The following ADAMTS17 variants were observed in gnomAD, a reference collection of about 807,000 sequenced individuals.
The protein encoded by ADAMTS17 is A disintegrin and metalloproteinase with thrombospondin motifs 17.
In ADAMTS17, 113 loss-of-function variants were observed where a neutral mutation model predicts 141.5. The ratio of observed to expected loss-of-function variants is 0.80; its 90% CI spans 0.69 to 0.93. ADAMTS17 has a LOEUF of 0.93. Ranked by LOEUF, ADAMTS17 falls within the 40% of genes least tolerant of loss-of-function variation. The pLI is 0.00. For missense variants in ADAMTS17, 1,659 were observed against 1,517.9 expected (o/e 1.09, Z -1.54); for synonymous variants, 768 against 630.6 (o/e 1.22, Z -3.27).
At chr15:100,279,392 G>A (rs760310271) in intron 4 of ADAMTS17, among the ~76,000 whole-genome samples, 3 of 152,210 alleles carry the variant, frequency 2.0e-5, no homozygotes, top group Non-Finnish European at 4.4e-5. Flanking sequence ...GACCTTGGCT[G>A]CAGCTGGCCC....
chr15:100,106,348 G>A (rs895338639), intron 14 of ADAMTS17, among the ~76,000 whole-genome samples: 1 of 152,232 alleles, frequency 6.6e-6, no homozygotes, highest in African/African-American at 2.4e-5. Flanking sequence ...AGCCTGAGTT[G>A]ACTAAGACGA....
intron 18 of ADAMTS17, among the ~76,000 whole-genome samples, chr15:100,025,230 C>T (rs2061484408): frequency 6.6e-6 from 1 of 152,066 alleles, no homozygotes; most frequent in South Asian, 2.1e-4. Flanking sequence ...TGCTTTTTGG[C>T]TTGAAGTCTA....
At chr15:100,161,001 C>A (rs906667844) in intron 8 of ADAMTS17, among the ~76,000 whole-genome samples, 1 of 152,178 alleles carries the variant, frequency 6.6e-6, no homozygotes, top group African/African-American at 2.4e-5. Context: ...TTATATTTAA[C>A]GAAAACGTGT....
intron 7 of ADAMTS17, among the ~76,000 whole-genome samples, chr15:100,233,767 G>A (rs1297359990): frequency 2.6e-5 from 4 of 152,054 alleles, no homozygotes; most frequent in African/African-American, 9.7e-5. Flanking sequence ...AGATGTCAGG[G>A]GGAGAGTGTG....
intron 18 of ADAMTS17, among the ~76,000 whole-genome samples, chr15:100,028,195 G>A (rs1164488165): frequency 2.6e-5 from 4 of 152,174 alleles, no homozygotes; most frequent in African/African-American, 4.8e-5. Flanking sequence ...TCAGACAGGC[G>A]CAGAATGTTC....
At chr15:99,981,577 C>T (rs2060482667) in intron 20 of ADAMTS17, among the ~76,000 whole-genome samples, 1 of 152,174 alleles carries the variant, frequency 6.6e-6, no homozygotes, top group African/African-American at 2.4e-5. Flanking sequence ...CTGGGCCAGC[C>T]CCCTAGAGGA....
At chr15:100,008,456 C>T (rs1250872172) in intron 18 of ADAMTS17, among the ~76,000 whole-genome samples, 2 of 152,146 alleles carry the variant, frequency 1.3e-5, no homozygotes, top group Non-Finnish European at 2.9e-5. Flanking sequence ...CAGTAGAGCC[C>T]GTGACTCATC....
At chr15:100,145,115 A>G (rs536491717) in intron 10 of ADAMTS17, among the ~76,000 whole-genome samples, 4 of 152,310 alleles carry the variant, frequency 2.6e-5, no homozygotes, top group African/African-American at 7.2e-5. Flanking sequence ...TTTTAAGATA[A>G]AAGATAGACA....
At chr15:100,315,186 G>A (rs1311374570) in intron 3 of ADAMTS17, among the ~76,000 whole-genome samples, 2 of 152,226 alleles carry the variant, frequency 1.3e-5, no homozygotes, top group Non-Finnish European at 2.9e-5. Context: ...GCAGGTGGGC[G>A]GGACCTTCGT....
chr15:100,024,802 A>C (rs1596254043), intron 18 of ADAMTS17, among the ~76,000 whole-genome samples: 1 of 151,072 alleles, frequency 6.6e-6, no homozygotes, highest in Admixed American at 6.6e-5. Context: ...CCTCCACCCC[A>C]CTCCCCTGCT....
intron 15 of ADAMTS17, among the ~76,000 whole-genome samples, chr15:100,060,995 G>A (rs2033076580): frequency 6.6e-6 from 1 of 152,208 alleles, no homozygotes; most frequent in Non-Finnish European, 1.5e-5. Context: ...AGGCCCTGGA[G>A]TCCTGGGATT....
At chr15:100,079,934 G>C (rs1437729805) in intron 15 of ADAMTS17, among the ~76,000 whole-genome samples, 1 of 152,204 alleles carries the variant, frequency 6.6e-6, no homozygotes, top group Non-Finnish European at 1.5e-5. Context: ...GCAAAGAACG[G>C]TGGAATGGCC....
At chr15:100,103,278 G>A (rs564537118) in intron 14 of ADAMTS17, among the ~76,000 whole-genome samples, 6 of 152,320 alleles carry the variant, frequency 3.9e-5, no homozygotes, top group South Asian at 2.1e-4. Context: ...GCAGGGTCAC[G>A]GTGCAGGGAA....
intron 12 of ADAMTS17, among the ~76,000 whole-genome samples, chr15:100,117,707 G>C (rs2037225812): frequency 1.3e-5 from 2 of 152,188 alleles, no homozygotes; most frequent in African/African-American, 4.8e-5. Context: ...GGCAAAGCAT[G>C]GCTCTGCCCT....
chr15:100,246,741 C>G (rs781066810), intron 7 of ADAMTS17, among the ~76,000 whole-genome samples: 3 of 152,102 alleles, frequency 2.0e-5, no homozygotes, highest in Non-Finnish European at 4.4e-5. Flanking sequence ...TTATCCATTC[C>G]ATAGCCATAT....
At chr15:100,010,590 C>T (rs189602076) in intron 18 of ADAMTS17, among the ~76,000 whole-genome samples, 3 of 152,336 alleles carry the variant, frequency 2.0e-5, no homozygotes, top group East Asian at 1.9e-4. Flanking sequence ...AAAAGACCAG[C>T]GTCAGAGGTT....
chr15:100,139,745 A>G (rs1429115598), intron 10 of ADAMTS17, among the ~76,000 whole-genome samples: 1 of 152,174 alleles, frequency 6.6e-6, no homozygotes, highest in Admixed American at 6.5e-5. Flanking sequence ...GACAAACCCA[A>G]AGGCAAACTA....
intron 18 of ADAMTS17, among the ~76,000 whole-genome samples, chr15:100,037,369 C>CTTATTATTGAG (rs1455907349): frequency 6.7e-6 from 1 of 149,476 alleles, no homozygotes; most frequent in Non-Finnish European, 1.5e-5. Context: ...TCTGTGTCAT[C>CTTATTATTGAG]TTATTATTGA....
chr15:99,981,288 G>T (rs1248377322), intron 20 of ADAMTS17, among the ~76,000 whole-genome samples: 2 of 152,208 alleles, frequency 1.3e-5, no homozygotes, highest in Non-Finnish European at 2.9e-5. Context: ...TCATGGAAGG[G>T]TGTCTCCAAA....
Sources: gnomAD v4.1 joint callset for allele counts (sites outside exome capture counted in the v4.1 genomes callset) on GRCh38, gnomAD v4.1.1 for gene constraint, MANE v1.5 for transcripts, NCBI Gene and HGNC (gene_info 2026-07-23, HGNC 2026-07-21) for gene names.